Variants in EDIL3 observed in about 807,000 individuals in gnomAD.
EDIL3 encodes EGF-like repeat and discoidin I-like domain-containing protein 3.
Under a neutral mutation model 67.4 loss-of-function variants are expected in EDIL3, and 37 were observed. The observed-to-expected ratio is 0.55, with a 90% CI of 0.42 to 0.72. The LOEUF (loss-of-function observed/expected upper bound fraction) is 0.72, where lower values mean the gene tolerates loss of function less well. Ranked by LOEUF, EDIL3 falls within the 30% of genes least tolerant of loss-of-function variation. The pLI is 0.00. For synonymous variants in EDIL3, 195 were observed against 196.3 expected, an observed-to-expected ratio of 0.99 and a Z score of 0.05; for missense variants, 527 against 586.3, an observed-to-expected ratio of 0.90 and a Z score of 1.04.
intron 4 of EDIL3, among the ~76,000 whole-genome samples, chr5:84,141,307 C>CA (rs1748184327): frequency 6.6e-6 from 1 of 150,788 alleles, no homozygotes; most frequent in Non-Finnish European, 1.5e-5. Context: ...ATAATCAAGA[C>CA]AGTCAGCTGA....
In EDIL3 at chr5:84,141,952, G is replaced by GATCTATCTATCTATCTATCTATCT. The variant is rs70975543; in HGVS notation, c.356-4622_356-4599dup. Among the ~76,000 whole-genome samples the GATCTATCTATCTATCTATCTATCT allele has an allele frequency of 3.0e-4, 33 of 108,366 alleles. 1 individual carries two copies. Among genetic ancestry groups the GATCTATCTATCTATCTATCTATCT allele is most frequent in the Admixed American group, 4.3e-4 (4 of 9,264 alleles). 71.1% of individuals were successfully genotyped at this position (108,366 alleles called of 152,430 possible). ...ATATATATATATATATATATACATA[G>GATCTATCTATCTATCTATCTATCT]ATCTATCTATCTATCTATCTATCTA... On this transcript the variant is annotated intron_variant, in intron 4 of 10. Coordinates refer to ENST00000296591, the MANE Select transcript of EDIL3 (RefSeq NM_005711.5).
At chr5:84,122,798 G>A (rs1747802432) in intron 5 of EDIL3, among the ~76,000 whole-genome samples, 1 of 151,760 alleles carries the variant, frequency 6.6e-6, no homozygotes, top group Non-Finnish European at 1.5e-5. Flanking sequence ...GTTCTGCCGT[G>A]GTTGGACTAA....
chr5:84,073,492 G>A (rs371243977), intron 6 of EDIL3, among the ~76,000 whole-genome samples: 29 of 152,088 alleles, frequency 1.9e-4, no homozygotes, highest in South Asian at 4.2e-4. Context: ...AAGCAACTTC[G>A]GCAAAGTCTC....
At chr5:84,335,569 T>C (rs1487543082) in intron 1 of EDIL3, among the ~76,000 whole-genome samples, 2 of 152,146 alleles carry the variant, frequency 1.3e-5, no homozygotes, top group African/African-American at 4.8e-5. Flanking sequence ...AATAAGAATC[T>C]GAGGATATAA....
chr5:84,067,384 C>T (rs1013894525), intron 6 of EDIL3, among the ~76,000 whole-genome samples: 4 of 151,966 alleles, frequency 2.6e-5, no homozygotes, highest in Non-Finnish European at 5.9e-5. Flanking sequence ...AAATCAAATG[C>T]TACAATGTAG....
rs140050026 is a variant in EDIL3 at position 83,996,641 on chromosome 5, G to A, written c.1138-33281C>T. 1.0e-3 allele frequency among the ~76,000 whole-genome samples: 154 copies of A among 152,280 alleles called. 1 individual carries two copies. The highest frequency in any genetic ancestry group is 3.5e-3 in the African/African-American group (147 of 41,576). ...GATATCATCAGTCCATTAGTCAGAG[G>A]TAACATCCCAATAAACAGGAAGTAA... On this transcript the variant is annotated intron_variant, in intron 9 of 10. Transcript: ENST00000296591.
intron 1 of EDIL3, among the ~76,000 whole-genome samples, chr5:84,370,112 G>A (rs963182729): frequency 1.3e-5 from 2 of 152,058 alleles, no homozygotes; most frequent in Non-Finnish European, 2.9e-5. Flanking sequence ...AGAAAGATAT[G>A]TCTATTTTAG....
At chr5:84,323,491 T>C (rs1746689897) in intron 1 of EDIL3, among the ~76,000 whole-genome samples, 1 of 151,830 alleles carries the variant, frequency 6.6e-6, no homozygotes, top group African/African-American at 2.4e-5. Flanking sequence ...AAAATATTAA[T>C]GCAGGACATA....
At chr5:84,251,640 T>C (rs553398061) in intron 2 of EDIL3, among the ~76,000 whole-genome samples, 4 of 152,176 alleles carry the variant, frequency 2.6e-5, no homozygotes, top group Non-Finnish European at 5.9e-5. Flanking sequence ...GGGTAATGTT[T>C]CTGTCATAAA....
At chr5:83,954,572 C>T (rs1171737854) in intron 10 of EDIL3, among the ~76,000 whole-genome samples, 1 of 151,742 alleles carries the variant, frequency 6.6e-6, no homozygotes, top group Admixed American at 6.6e-5. Context: ...CTTCCTGATG[C>T]CTCACCAGAA....
At chr5:83,947,469 C>G (rs573245026) in intron 10 of EDIL3, among the ~76,000 whole-genome samples, 2 of 151,390 alleles carry the variant, frequency 1.3e-5, no homozygotes, top group African/African-American at 4.8e-5. Flanking sequence ...ATCCTTTGAG[C>G]TTTCATCCAG....
chr5:83,980,378 G>GA (rs906500085), intron 9 of EDIL3, among the ~76,000 whole-genome samples: 5 of 151,642 alleles, frequency 3.3e-5, no homozygotes, highest in African/African-American at 1.2e-4. Context: ...ATCTGGATTG[G>GA]AAAAAAGTAA....
At chr5:83,981,347 T>G (rs1490786977) in intron 9 of EDIL3, among the ~76,000 whole-genome samples, 1 of 152,124 alleles carries the variant, frequency 6.6e-6, no homozygotes, top group Non-Finnish European at 1.5e-5. Context: ...GAAATAAGTA[T>G]GTATTTGAAC....
intron 5 of EDIL3, among the ~76,000 whole-genome samples, chr5:84,110,279 T>C (rs1747535322): frequency 1.3e-5 from 2 of 152,196 alleles, no homozygotes; most frequent in African/African-American, 4.8e-5. Context: ...CACAATCAAA[T>C]GGATGTCATC....
Position 84,265,144 on chromosome 5 carries a change from A to G in EDIL3, c.68-10932T>C, listed in dbSNP as rs1181873959. On this transcript the variant is annotated intron_variant, in intron 1 of 10. Coordinates refer to ENST00000296591, the MANE Select transcript of EDIL3 (RefSeq NM_005711.5). ...GTAATGTTAAAATTACAGAAAAAAA[A>G]TTGCAAAGCCTAATTTCATGCTTTA... Among the ~76,000 whole-genome samples, 3 of 152,218 alleles carry G rather than the reference A, an allele frequency of 2.0e-5. No individual in the cohort carries two copies. In the East Asian group the frequency reaches 5.8e-4, roughly 29 times the overall value.
At chr5:84,353,447 C>G (rs1174910942) in intron 1 of EDIL3, among the ~76,000 whole-genome samples, 2 of 152,084 alleles carry the variant, frequency 1.3e-5, no homozygotes, top group Non-Finnish European at 2.9e-5. Context: ...AGATACTACC[C>G]AAAGATAACT....
At position 84,160,811 on chromosome 5, in the gene EDIL3, TTTCCTTTC is replaced by T. The variant is rs1268538677; in HGVS notation, c.355+19574_355+19581del. On this transcript the variant is annotated intron_variant, in intron 4 of 10. Coordinates refer to ENST00000296591, the MANE Select transcript of EDIL3 (RefSeq NM_005711.5). ...TTTCCTTTCCTTTCCTTTCCTTTCC[TTTCCTTTC>T]CCTTTCCTTTTCCTTTCCTTTTCCT... 2.4e-3 allele frequency among the ~76,000 whole-genome samples: 315 copies of T among 133,396 alleles called. 6 individuals are homozygous for T. Among genetic ancestry groups the T allele is most frequent in the African/African-American group, 8.3e-3 (266 of 32,072 alleles). 87.5% of individuals were successfully genotyped at this position (133,396 alleles called of 152,430 possible).
chr5:84,086,062 G>C (rs1747063681), intron 6 of EDIL3, among the ~76,000 whole-genome samples: 1 of 152,188 alleles, frequency 6.6e-6, no homozygotes, highest in Non-Finnish European at 1.5e-5. Context: ...CTGGCAGTGA[G>C]AATTTCAAGC....
chr5:84,223,829 A>G (rs999535896), intron 3 of EDIL3, among the ~76,000 whole-genome samples: 6 of 151,366 alleles, frequency 4.0e-5, no homozygotes, highest in African/African-American at 1.5e-4. Context: ...CTATCTGACT[A>G]TAGTAATCAT....
Sources: gnomAD v4.1 joint callset for allele counts (sites outside exome capture counted in the v4.1 genomes callset) on GRCh38, gnomAD v4.1.1 for gene constraint, MANE v1.5 for transcripts, NCBI Gene and HGNC (gene_info 2026-07-23, HGNC 2026-07-21) for gene names.